HNRNPH1: variants seen among roughly 807,000 people sequenced by gnomAD.
The protein encoded by HNRNPH1 is heterogeneous nuclear ribonucleoprotein H.
HNRNPH1 carries 4 observed loss-of-function variants against 58.6 expected under a neutral mutation model. That is an observed-to-expected ratio of 0.07 (90% CI 0.03 to 0.16). The LOEUF (loss-of-function observed/expected upper bound fraction) is 0.16, where lower values mean the gene tolerates loss of function less well. Among genes scored for constraint, HNRNPH1 ranks in the 10% least tolerant of loss-of-function variants. The pLI is 1.00. For synonymous variants in HNRNPH1, 192 were observed against 189.2 expected (o/e 1.01, Z -0.12); for missense variants, 271 against 564.2 (o/e 0.48, Z 5.26).
chr5:179,626,181 G>A (rs1042009953), upstream of HNRNPH1, among the ~76,000 whole-genome samples: 2 of 151,898 alleles, frequency 1.3e-5, no homozygotes, highest in Admixed American at 6.6e-5. Flanking sequence ...TTGGCTCACT[G>A]CAACCTCTGC....
chr5:179,621,836 T>C (rs1164868912), intron 1 of HNRNPH1: 1 of 421,884 alleles, frequency 2.4e-6, no homozygotes, highest in Admixed American at 2.9e-5. Context: ...ACAAGCCCAA[T>C]ACTCACCTGA....
chr5:179,621,997 A>G (rs1448750141), intron 1 of HNRNPH1: 4 of 456,190 alleles, frequency 8.8e-6, no homozygotes, highest in African/African-American at 8.0e-5. Context: ...ATAGTAAGTC[A>G]ATACTACAAA....
intron 2 of HNRNPH1, among the ~76,000 whole-genome samples, chr5:179,631,988 CA>C (rs1338956588): frequency 6.6e-6 from 1 of 152,124 alleles, no homozygotes; most frequent in African/African-American, 2.4e-5. Context: ...TCGGGTGGTA[CA>C]CTGCAAGCTG....
upstream of HNRNPH1, among the ~76,000 whole-genome samples, chr5:179,625,353 A>G (rs4999744): frequency 0.99 from 150,851 of 152,194 alleles, 74,782 homozygotes; most frequent in East Asian, 1. Context: ...AAAATTATCT[A>G]TGCATGCACA....
chr5:179,621,572 T>C (rs745768997), intron 1 of HNRNPH1, 175 bp from the exon 3 acceptor site: 10 of 599,466 alleles, frequency 1.7e-5, no homozygotes, highest in Non-Finnish European at 2.6e-5. Context: ...AACAAACTCA[T>C]TCCTAAGGTG....
rs1235158182 is a variant in HNRNPH1, at chr5:179,616,236, C to G, written c.1208-18G>C. ...CTGGTTTGCTGTTAAGTTAAGAAAA[C>G]ATTAGAACCTTTTTTCTTATGTGAT... On this transcript the variant is annotated intron_variant, in intron 10 of 12. Transcript: ENST00000356731. 3 of 1,599,906 alleles carry G rather than the reference C, an allele frequency of 1.9e-6. No homozygotes were observed. The highest frequency in any genetic ancestry group is 1.7e-5 in the Admixed American group (1 of 59,998).
intron 4 of HNRNPH1, 80 bp downstream of exon 5, chr5:179,619,189 C>A: frequency 8.0e-7 from 1 of 1,248,308 alleles, no homozygotes. Context: ...ACATTAATTT[C>A]TTCTTTTAAG....
chr5:179,616,744 T>C (rs1769920199), intron 10 of HNRNPH1, 125 bp downstream of exon 11: 2 of 803,922 alleles, frequency 2.5e-6, no homozygotes, highest in South Asian at 3.5e-5. Context: ...AAAACTCAAA[T>C]ATCAAGAAAC....
Position 179,630,678 on chromosome 5 carries a change from G to A in HNRNPH1, c.-32+3387C>T, listed in dbSNP as rs375208294. On this transcript the variant is annotated intron_variant, in intron 2 of 4. Coordinates refer to the HNRNPH1 transcript ENST00000521116. ...TGTAATCCCAGCACTTTGGAGGGCC[G>A]AGGTGGGCGGATCACAAGGTCAAGA... Among the ~76,000 whole-genome samples the A allele has an allele frequency of 1.7e-4, 26 of 152,218 alleles. No individual in the cohort carries two copies. The South Asian group carries it at 4.8e-3, about 28-fold the overall frequency.
At chr5:179,614,784 GAAAAAAAAA>G (rs35827689) in exon 13 of HNRNPH1, 11 of 444,342 alleles carry the variant, frequency 2.5e-5, no homozygotes, top group Non-Finnish European at 3.4e-5. Context: ...TTTTCTTAAA[GAAAAAAAAA>G]AAAAAAAAAA....
rs1380673178 is a variant in HNRNPH1 at position 179,617,822 on chromosome 5, CTCTGTAAG to C, written c.890_897del (p.Pro297ArgfsTer3). The C allele has an allele frequency of 6.2e-7, 1 of 1,613,898 alleles. No homozygotes were observed. The highest frequency in any genetic ancestry group is 8.5e-7 in the Non-Finnish European group (1 of 1,179,856). ...ACATTATAAATGTCATTCTCAGTAG[CTCTGTAAG>C]GTAATCCCCGCATGTGTACACAGTG... On this transcript the variant is annotated frameshift_variant, in exon 7 of 13. Coordinates refer to ENST00000356731, the Ensembl canonical transcript of HNRNPH1. LOFTEE classifies it high-confidence loss of function.
chr5:179,632,615 G>T (rs1774936795), intron 2 of HNRNPH1, among the ~76,000 whole-genome samples: 1 of 152,252 alleles, frequency 6.6e-6, no homozygotes, highest in Non-Finnish European at 1.5e-5. Flanking sequence ...CCTGAGGAGG[G>T]ACCGAGCACG....
exon 1 of HNRNPH1, chr5:179,623,111 C>T (rs1773505417): frequency 6.2e-7 from 1 of 1,608,036 alleles, no homozygotes; most frequent in Admixed American, 1.7e-5. Context: ...GAATCCCTCT[C>T]CACCTTCCGT....
chr5:179,632,626 C>T (rs1774938206), intron 2 of HNRNPH1, among the ~76,000 whole-genome samples: 1 of 152,270 alleles, frequency 6.6e-6, no homozygotes, highest in Non-Finnish European at 1.5e-5. Context: ...ACCGAGCACG[C>T]CCTCTCCGGT....
At chr5:179,615,564 A>G in exon 12 of HNRNPH1, 1 of 1,565,550 alleles carries the variant, frequency 6.4e-7, no homozygotes, top group Non-Finnish European at 8.8e-7. Context: ...TGTTTGATTG[A>G]AAATCACTGG....
intron 12 of HNRNPH1, chr5:179,615,167 T>C (rs1361651730): frequency 6.0e-6 from 3 of 499,266 alleles, no homozygotes; most frequent in Non-Finnish European, 1.1e-5. Flanking sequence ...GCCAGACTCT[T>C]GTGCTACCAT....
intron 2 of HNRNPH1, among the ~76,000 whole-genome samples, chr5:179,633,261 G>A (rs1329852406): frequency 1.3e-5 from 2 of 151,400 alleles, no homozygotes; most frequent in Non-Finnish European, 2.9e-5. Context: ...GAAGTGTTGG[G>A]ATTACAGGTG....
chr5:179,618,370 T>G (rs1314319388), intron 4 of HNRNPH1, 47 bp from the exon 6 acceptor site: 1 of 1,296,848 alleles, frequency 7.7e-7, no homozygotes, highest in Non-Finnish European at 1.1e-6. Flanking sequence ...AGAGAAAACA[T>G]TAGTTCATTT....
exon 13 of HNRNPH1, chr5:179,614,821 C>A: frequency 6.0e-5 from 53 of 880,026 alleles, no homozygotes; most frequent in Middle Eastern, 2.5e-4. Flanking sequence ...GACCAAGAGT[C>A]AGTGATCAGG....
Sources: gnomAD v4.1 joint callset for allele counts (sites outside exome capture counted in the v4.1 genomes callset) on GRCh38, gnomAD v4.1.1 for gene constraint, MANE v1.5 for transcripts, NCBI Gene and HGNC (gene_info 2026-07-23, HGNC 2026-07-21) for gene names.